The following CDADC1 variants were observed in gnomAD, a reference collection of about 807,000 sequenced individuals.
The protein encoded by CDADC1 is cytidine and dCMP deaminase domain containing 1.
Under a neutral mutation model 54.9 loss-of-function variants are expected in CDADC1, and 39 were observed. That is an observed-to-expected ratio of 0.71 (90% CI 0.55 to 0.93). The LOEUF (loss-of-function observed/expected upper bound fraction) is 0.93, where lower values mean the gene tolerates loss of function less well. Ranked by LOEUF, CDADC1 falls within the 40% of genes least tolerant of loss-of-function variation. The probability of loss-of-function intolerance (pLI) is 0.00; values close to 1 mark genes in which losing one functional copy is unlikely to be tolerated. For synonymous variants in CDADC1, 186 were observed against 204.0 expected, an observed-to-expected ratio of 0.91 and a Z score of 0.75; for missense variants, 518 against 618.8, an observed-to-expected ratio of 0.84 and a Z score of 1.73.
rs1204534739 is a variant in CDADC1, at chr13:49,292,414, A to G, written c.*657A>G. Reference sequence around the variant, plus strand: ...TATTCTGAGACAGTGTCGCTGCTTGATATCACTGACTCTTGAAATCACTAA... The same window carrying G: ...TATTCTGAGACAGTGTCGCTGCTTGGTATCACTGACTCTTGAAATCACTAA... On this transcript the variant is annotated 3_prime_UTR_variant, in exon 10 of 10. Transcript: ENST00000251108. 4 of 996,568 alleles carry G rather than the reference A, an allele frequency of 4.0e-6. No homozygotes were observed. The highest frequency in any genetic ancestry group is 2.2e-4 in the East Asian group (2 of 9,256). 61.7% of individuals were successfully genotyped at this position (996,568 alleles called of 1,614,324 possible).
In CDADC1 at chr13:49,292,356, C is replaced by T. The variant is rs552641948; in HGVS notation, c.*599C>T. The stretch of plus-strand genomic sequence containing the variant: ...ATGTTAATTCTGTGGTCCTGTTTAT[C>T]ACAGACTTTGGGTAGCAATAGGAAG... On this transcript the variant is annotated 3_prime_UTR_variant, in exon 10 of 10. Coordinates refer to ENST00000251108, the MANE Select transcript of CDADC1 (RefSeq NM_030911.4). The T allele has an allele frequency of 1.4e-4, 136 of 988,280 alleles. No homozygotes were observed. The highest frequency in any genetic ancestry group is 8.8e-4 in the Admixed American group (15 of 16,986). The allele number at this position is 988,280 out of a possible 1,614,324, so 61.2% of individuals were successfully genotyped here. A position where few individuals can be genotyped will look rare whatever the true frequency, so the allele number is the denominator to read the frequency against.
chr13:49,264,543 C>T (rs978493976), intron 4 of CDADC1, among the ~76,000 whole-genome samples: 1 of 133,536 alleles, frequency 7.5e-6, no homozygotes, highest in African/African-American at 2.9e-5. Flanking sequence ...CATAGCGAGA[C>T]CCCATCTCTA....
chr13:49,258,667 A>G (rs925930956), intron 3 of CDADC1, among the ~76,000 whole-genome samples: 1 of 152,210 alleles, frequency 6.6e-6, no homozygotes, highest in African/African-American at 2.4e-5. Flanking sequence ...CTACTCTGAC[A>G]TCAAGTTCTC....
intron 4 of CDADC1, 91 bp downstream of exon 4, chr13:49,259,614 G>A: frequency 7.2e-6 from 9 of 1,255,558 alleles, no homozygotes; most frequent in Non-Finnish European, 1.0e-5. Context: ...ACTTTGGGAG[G>A]ACAAGGCAGG....
intron 3 of CDADC1, among the ~76,000 whole-genome samples, chr13:49,256,719 A>G (rs1952556842): frequency 6.6e-6 from 1 of 152,182 alleles, no homozygotes; most frequent in Non-Finnish European, 1.5e-5. Flanking sequence ...TGCAGAGTGG[A>G]GACTAAGCAT....
At chr13:49,255,142 A>T (rs1348164066) in intron 2 of CDADC1, among the ~76,000 whole-genome samples, 1 of 152,056 alleles carries the variant, frequency 6.6e-6, no homozygotes, top group Non-Finnish European at 1.5e-5. Context: ...ACCTGTGGAG[A>T]TTGTCTGTTT....
chr13:49,276,716 C>G (rs946912433), intron 6 of CDADC1, among the ~76,000 whole-genome samples: 7 of 152,204 alleles, frequency 4.6e-5, no homozygotes, highest in African/African-American at 7.2e-5. Context: ...TTCCTCAGCA[C>G]TCTGTACAAC....
chr13:49,276,845 G>T (rs935025347), intron 6 of CDADC1, among the ~76,000 whole-genome samples: 1 of 152,208 alleles, frequency 6.6e-6, no homozygotes, highest in Non-Finnish European at 1.5e-5. Context: ...CCAGCACCTA[G>T]CATAGGTCTA....
chr13:49,282,434 T>C (rs1953378726), intron 8 of CDADC1, among the ~76,000 whole-genome samples: 1 of 152,058 alleles, frequency 6.6e-6, no homozygotes, highest in South Asian at 2.1e-4. Context: ...AAAAGCTTTT[T>C]ATTTGGAAAA....
chr13:49,255,957 G>C (rs750184130), intron 3 of CDADC1, 44 bp downstream of exon 3: 9 of 1,588,366 alleles, frequency 5.7e-6, no homozygotes, highest in Non-Finnish European at 6.8e-6. Flanking sequence ...TAATAACAAA[G>C]CAAAAGGAAT....
At chr13:49,265,877 A>G (rs1406912856) in intron 4 of CDADC1, 4 of 1,300,566 alleles carry the variant, frequency 3.1e-6, no homozygotes, top group African/African-American at 1.5e-5. Context: ...CTCTTGAATC[A>G]GGATTACTGG....
At chr13:49,270,017 A>G (rs1952923604) in intron 5 of CDADC1, among the ~76,000 whole-genome samples, 1 of 150,352 alleles carries the variant, frequency 6.7e-6, no homozygotes, top group Admixed American at 6.7e-5. Context: ...CAAATCCTGA[A>G]TAGGGTGCAA....
chr13:49,265,211 CAATT>C (rs766506975), intron 4 of CDADC1, among the ~76,000 whole-genome samples: 15 of 152,074 alleles, frequency 9.9e-5, no homozygotes, highest in African/African-American at 3.4e-4. Flanking sequence ...TTATAATTGT[CAATT>C]TATTTAAGTA....
intron 9 of CDADC1, among the ~76,000 whole-genome samples, chr13:49,288,399 A>G (rs967129411): frequency 6.6e-6 from 1 of 152,202 alleles, no homozygotes; most frequent in African/African-American, 2.4e-5. Flanking sequence ...CATCACTACA[A>G]CATAATTTCA....
At chr13:49,281,985 T>C (rs1953353989) in intron 8 of CDADC1, among the ~76,000 whole-genome samples, 1 of 136,880 alleles carries the variant, frequency 7.3e-6, no homozygotes, top group South Asian at 2.3e-4. Context: ...AGCTAATCTT[T>C]TGTATTTTTA....
At chr13:49,275,887 G>A (rs1953119869) in intron 6 of CDADC1, among the ~76,000 whole-genome samples, 1 of 150,812 alleles carries the variant, frequency 6.6e-6, no homozygotes, top group South Asian at 2.1e-4. Context: ...TCCTGTCTCA[G>A]CCTCCCCAGT....
At chr13:49,250,298 G>A (rs1299088548) in intron 2 of CDADC1, among the ~76,000 whole-genome samples, 3 of 152,174 alleles carry the variant, frequency 2.0e-5, no homozygotes, top group Non-Finnish European at 2.9e-5. Context: ...TGTGGATGAG[G>A]TTTTGTGCTT....
rs1952621650 is a variant in CDADC1, at chr13:49,259,514, A to T, written c.421A>T (p.Ile141Phe). 5.6e-6 allele frequency: 9 copies of T among 1,613,626 alleles called. No individual in the cohort carries two copies. Among genetic ancestry groups the T allele is most frequent in the African/African-American group, 1.3e-5 (1 of 74,884 alleles). The change falls in exon 4 of 10, where the codon ATT becomes TTT. Residue 141 changes from isoleucine (I) to phenylalanine (F), a missense_variant. Transcript: ENST00000251108. ...RKPCSACLKM[I>F]VNAGVNRISY... ...ACCATGTTCTGCTTGTTTGAAAATGATTGTAAATGGTAAGTGCAGAAAAGG... is the reference window on the plus strand; with the variant it reads ...ACCATGTTCTGCTTGTTTGAAAATGTTTGTAAATGGTAAGTGCAGAAAAGG...
intron 5 of CDADC1, 76 bp downstream of exon 5, chr13:49,268,135 G>A (rs1952870109): frequency 1.7e-6 from 2 of 1,180,976 alleles, no homozygotes; most frequent in African/African-American, 1.5e-5. Flanking sequence ...CTCATTTATG[G>A]TAGAGTTCAT....
Sources: allele counts gnomAD v4.1 joint callset (sites outside exome capture counted in the v4.1 genomes callset), GRCh38; gene constraint gnomAD v4.1.1; transcripts MANE v1.5; gene names NCBI Gene and HGNC (gene_info 2026-07-23, HGNC 2026-07-21).